CNTN4: variants seen among roughly 807,000 people sequenced by gnomAD.
CNTN4 encodes the protein contactin 4, also known as contactin-4.
CNTN4 carries 77 observed loss-of-function variants against 122.5 expected under a neutral mutation model. That is an observed-to-expected ratio of 0.63 (90% CI 0.52 to 0.76). The LOEUF (loss-of-function observed/expected upper bound fraction) is 0.76, where lower values mean the gene tolerates loss of function less well. CNTN4 is among the 30% of genes least tolerant of loss of function. The probability of loss-of-function intolerance (pLI) is 0.00; values close to 1 mark genes in which losing one functional copy is unlikely to be tolerated. For missense variants in CNTN4, 1,256 were observed against 1,259.1 expected, an observed-to-expected ratio of 1.00 and a Z score of 0.04; for synonymous variants, 512 against 447.0, an observed-to-expected ratio of 1.15 and a Z score of -1.83.
At chr3:2,350,351 ATCT>A (rs2044562489) in intron 3 of CNTN4, among the ~76,000 whole-genome samples, 1 of 152,208 alleles carries the variant, frequency 6.6e-6, no homozygotes, top group Non-Finnish European at 1.5e-5. Flanking sequence ...CTGCTGAATA[ATCT>A]TCTTAACCTC....
intron 3 of CNTN4, chr3:2,511,616 C>G (rs2149076489): frequency 6.6e-6 from 1 of 152,374 alleles, no homozygotes; most frequent in South Asian, 2.1e-4. Flanking sequence ...GTAGTGGAAG[C>G]AGGGACTTGC....
intron 6 of CNTN4, among the ~76,000 whole-genome samples, chr3:2,766,217 C>T (rs2090851994): frequency 6.6e-6 from 1 of 152,180 alleles, no homozygotes; most frequent in South Asian, 2.1e-4. Context: ...TTTCCTTCAC[C>T]TTTCTCCTGA....
chr3:2,900,498 C>G (rs1206541808), intron 10 of CNTN4, among the ~76,000 whole-genome samples, 187 bp from the exon 11 acceptor site: 1 of 152,116 alleles, frequency 6.6e-6, no homozygotes. Flanking sequence ...ACAATATGAA[C>G]CACAAAAATG....
intron 2 of CNTN4, among the ~76,000 whole-genome samples, chr3:2,121,533 G>C (rs1343633071): frequency 6.6e-6 from 1 of 151,836 alleles, no homozygotes; most frequent in East Asian, 1.9e-4. Context: ...TGTGCACGGG[G>C]ACCCATATCC....
At chr3:2,911,985 A>G (rs2094304961) in intron 12 of CNTN4, among the ~76,000 whole-genome samples, 1 of 152,194 alleles carries the variant, frequency 6.6e-6, no homozygotes, top group African/African-American at 2.4e-5. Flanking sequence ...TGTAATTTGC[A>G]GACAATAAAG....
chr3:2,581,758 A>G (rs1267604740), intron 4 of CNTN4, among the ~76,000 whole-genome samples: 2 of 152,202 alleles, frequency 1.3e-5, no homozygotes, highest in African/African-American at 4.8e-5. Flanking sequence ...CCAAATGTCT[A>G]TCAATTGATA....
At chr3:2,262,506 T>G (rs2040874144) in intron 2 of CNTN4, 1 of 152,272 alleles carries the variant, frequency 6.6e-6, no homozygotes, top group South Asian at 2.1e-4. Context: ...TCTTATAATC[T>G]CTCTGTGTCT....
At chr3:2,507,625 C>T (rs1349964863) in intron 3 of CNTN4, among the ~76,000 whole-genome samples, 1 of 151,222 alleles carries the variant, frequency 6.6e-6, no homozygotes, top group Non-Finnish European at 1.5e-5. Flanking sequence ...ATCCCAGCTA[C>T]TCGGGAGGCT....
intron 3 of CNTN4, among the ~76,000 whole-genome samples, chr3:2,408,874 C>T (rs966125852): frequency 6.6e-6 from 1 of 152,106 alleles, no homozygotes; most frequent in African/African-American, 2.4e-5. Context: ...GAGGTCATCC[C>T]TGTTTATGAC....
At position 3,010,888 on chromosome 3, in the gene CNTN4, A is replaced by G. The variant is rs559199511; in HGVS notation, c.1487-15214A>G. Among the ~76,000 whole-genome samples, 9 of 152,278 alleles carry G rather than the reference A, an allele frequency of 5.9e-5. 1 individual carries two copies. Among genetic ancestry groups the G allele is most frequent in the Admixed American group, 2.6e-4 (4 of 15,310 alleles). ...GCATTCTAAATCTATGTTCAGCATCATGTAAGTACACCCTCATTGAAATGC... is the reference window on the plus strand; with the variant it reads ...GCATTCTAAATCTATGTTCAGCATCGTGTAAGTACACCCTCATTGAAATGC... On this transcript the variant is annotated intron_variant, in intron 14 of 24. Transcript: ENST00000418658.
chr3:2,891,001 T>G (rs2151045219), intron 10 of CNTN4, among the ~76,000 whole-genome samples: 1 of 151,922 alleles, frequency 6.6e-6, no homozygotes, highest in South Asian at 2.1e-4. Context: ...TTTAACAAAT[T>G]TTTTTTTATT....
At chr3:2,228,192 A>G (rs1257678140) in intron 2 of CNTN4, among the ~76,000 whole-genome samples, 1 of 152,158 alleles carries the variant, frequency 6.6e-6, no homozygotes, top group Non-Finnish European at 1.5e-5. Context: ...CCTCTAGCCA[A>G]GGAATTGGCA....
chr3:2,936,870 A>G (rs1172556449), intron 13 of CNTN4, among the ~76,000 whole-genome samples: 1 of 152,250 alleles, frequency 6.6e-6, no homozygotes, highest in Non-Finnish European at 1.5e-5. Flanking sequence ...GTGCCCACAA[A>G]TAAAGTTTTA....
intron 2 of CNTN4, among the ~76,000 whole-genome samples, chr3:2,195,606 T>C (rs1358629742): frequency 1.3e-5 from 2 of 152,220 alleles, no homozygotes; most frequent in African/African-American, 4.8e-5. Context: ...TGTTTCTAAG[T>C]TTGGTTACCT....
rs71621496 is a variant in CNTN4 at position 2,522,149 on chromosome 3, TTGTGTGTGTGTG to T, written c.-88-49236_-88-49225del. Among the ~76,000 whole-genome samples the T allele has an allele frequency of 1.4e-4, 9 of 63,462 alleles. 1 individual carries two copies. The highest frequency in any genetic ancestry group is 2.0e-4 in the Non-Finnish European group (6 of 30,316). The allele number at this position is 63,462 out of a possible 152,430, so 41.6% of individuals were successfully genotyped here. A position where few individuals can be genotyped will look rare whatever the true frequency, so the allele number is the denominator to read the frequency against. On this transcript the variant is annotated intron_variant, in intron 3 of 24. Coordinates refer to ENST00000418658, the MANE Select transcript of CNTN4 (RefSeq NM_175607.3). ...ATGGCATGTGGCCTGCCTAAGCAGT[TTGTGTGTGTGTG>T]TGTGTGTGTGTGTGTGTGTGTGTGT... is the stretch of plus-strand genomic sequence containing the variant.
intron 14 of CNTN4, among the ~76,000 whole-genome samples, chr3:3,007,607 T>C (rs928209627): frequency 6.6e-6 from 1 of 152,210 alleles, no homozygotes; most frequent in Non-Finnish European, 1.5e-5. Flanking sequence ...CAGAACAATA[T>C]GTTAGGTGAA....
chr3:2,944,554 C>G (rs958665031), intron 13 of CNTN4, among the ~76,000 whole-genome samples: 1 of 152,098 alleles, frequency 6.6e-6, no homozygotes, highest in Non-Finnish European at 1.5e-5. Context: ...TCCTTGAATA[C>G]TAGACTCTAT....
At chr3:2,154,259 C>T (rs2035617615) in intron 2 of CNTN4, among the ~76,000 whole-genome samples, 1 of 151,884 alleles carries the variant, frequency 6.6e-6, no homozygotes. Context: ...GTGGTGGGCG[C>T]CTGTAATCCC....
chr3:2,954,720 G>T (rs2094780956), intron 13 of CNTN4, among the ~76,000 whole-genome samples: 1 of 152,010 alleles, frequency 6.6e-6, no homozygotes, highest in African/African-American at 2.4e-5. Flanking sequence ...TAACCTGGTA[G>T]TCACGCAATC....
Sources: gnomAD v4.1 joint callset for allele counts (sites outside exome capture counted in the v4.1 genomes callset) on GRCh38, gnomAD v4.1.1 for gene constraint, MANE v1.5 for transcripts, NCBI Gene and HGNC (gene_info 2026-07-23, HGNC 2026-07-21) for gene names.